Variants in KHDRBS2 observed in about 807,000 individuals in gnomAD.
KHDRBS2 encodes KH RNA binding domain containing, signal transduction associated 2.
In KHDRBS2, 26 loss-of-function variants were observed where a neutral mutation model predicts 44.3. The observed-to-expected ratio is 0.59, with a 90% confidence interval of 0.43 to 0.81. The LOEUF (loss-of-function observed/expected upper bound fraction) is 0.81. KHDRBS2 is among the 40% of genes least tolerant of loss of function. The probability of loss-of-function intolerance (pLI) is 0.00; values close to 1 mark genes in which losing one functional copy is unlikely to be tolerated. For missense variants in KHDRBS2, 476 were observed against 433.1 expected (o/e 1.10, Z -0.88); for synonymous variants, 194 against 151.1 (o/e 1.28, Z -2.08).
chr6:61,593,862 A>G, the KHDRBS2 span, among the ~76,000 whole-genome samples: 1 of 152,114 alleles, frequency 6.6e-6, no homozygotes, highest in South Asian at 2.1e-4. Context: ...AAGGAACTAT[A>G]TAGACAAAGT....
At chr6:61,662,293 C>A in the KHDRBS2 span, among the ~76,000 whole-genome samples, 59,083 of 151,596 alleles carry the variant, frequency 0.39, 11,717 homozygotes, top group East Asian at 0.48. Context: ...ACCATAAAAA[C>A]CCTAGAAGAA....
intron 4 of KHDRBS2, among the ~76,000 whole-genome samples, chr6:61,912,270 T>A (rs1355861708): frequency 6.6e-6 from 1 of 152,108 alleles, no homozygotes; most frequent in Non-Finnish European, 1.5e-5. Context: ...AAATATGATG[T>A]CAAAGTTCCC....
At chr6:61,858,449 T>C (rs1796455810) in intron 6 of KHDRBS2, among the ~76,000 whole-genome samples, 2 of 152,048 alleles carry the variant, frequency 1.3e-5, no homozygotes, top group African/African-American at 4.8e-5. Flanking sequence ...ACCATTAACA[T>C]CTCCCCCATA....
chr6:61,552,342 T>C, the KHDRBS2 span, among the ~76,000 whole-genome samples: 8 of 152,202 alleles, frequency 5.3e-5, no homozygotes, highest in Non-Finnish European at 7.3e-5. Context: ...GGAATGCTAC[T>C]GATTTTTGTA....
chr6:61,735,106 A>G (rs191472402), intron 6 of KHDRBS2, among the ~76,000 whole-genome samples: 2 of 151,724 alleles, frequency 1.3e-5, no homozygotes, highest in Non-Finnish European at 2.9e-5. Flanking sequence ...GTTTAGCTTT[A>G]CACTGCCCCC....
chr6:62,271,982 C>CT (rs1331575731), intron 1 of KHDRBS2, among the ~76,000 whole-genome samples: 1 of 152,160 alleles, frequency 6.6e-6, no homozygotes, highest in East Asian at 1.9e-4. Flanking sequence ...TTCACCTTCA[C>CT]TTACCACTAT....
chr6:61,674,925 G>A, the KHDRBS2 span, among the ~76,000 whole-genome samples: 1 of 151,670 alleles, frequency 6.6e-6, no homozygotes, highest in African/African-American at 2.4e-5. Flanking sequence ...ATGTAATAGA[G>A]TACATATTTT....
At chr6:62,177,998 A>G (rs1821484932) in intron 1 of KHDRBS2, among the ~76,000 whole-genome samples, 1 of 151,428 alleles carries the variant, frequency 6.6e-6, no homozygotes, top group South Asian at 2.1e-4. Context: ...TTAAATCTCT[A>G]CTAGGTACCA....
chr6:61,877,290 A>G (rs1469643622), intron 6 of KHDRBS2, among the ~76,000 whole-genome samples: 1 of 152,018 alleles, frequency 6.6e-6, no homozygotes, highest in Non-Finnish European at 1.5e-5. Context: ...GAGGACATAG[A>G]AATGCCTAGA....
At chr6:61,602,923 C>G in the KHDRBS2 span, among the ~76,000 whole-genome samples, 1 of 152,104 alleles carries the variant, frequency 6.6e-6, no homozygotes, top group African/African-American at 2.4e-5. Context: ...TATAGCCACA[C>G]GTCATTGCCA....
At chr6:62,111,658 G>T (rs1805015356) in intron 2 of KHDRBS2, among the ~76,000 whole-genome samples, 1 of 152,068 alleles carries the variant, frequency 6.6e-6, no homozygotes, top group Non-Finnish European at 1.5e-5. Context: ...CTCCTTGGAG[G>T]ATCACTTGAG....
chr6:62,126,159 T>G (rs113757767), intron 2 of KHDRBS2, among the ~76,000 whole-genome samples: 1,713 of 152,214 alleles, frequency 0.011, 34 homozygotes, highest in African/African-American at 0.04. Context: ...TACCACAAGC[T>G]GACTGAAGAG....
chr6:62,280,763 GAA>G (rs1390950685), intron 1 of KHDRBS2, among the ~76,000 whole-genome samples: 2 of 152,140 alleles, frequency 1.3e-5, no homozygotes, highest in African/African-American at 4.8e-5. Flanking sequence ...CTGCTATAAA[GAA>G]AGAGTCGATC....
the KHDRBS2 span, among the ~76,000 whole-genome samples, chr6:61,666,980 A>T: frequency 7.5e-6 from 1 of 133,038 alleles, no homozygotes; most frequent in Non-Finnish European, 1.6e-5. Context: ...ATTTAGACAC[A>T]AACCTTCTGG....
intron 3 of KHDRBS2, among the ~76,000 whole-genome samples, chr6:62,013,228 G>A (rs1335649348): frequency 6.6e-6 from 1 of 152,128 alleles, no homozygotes; most frequent in Non-Finnish European, 1.5e-5. Context: ...ATAGCAGTAT[G>A]GAAAGCTATA....
At chr6:61,901,438 AAAAAG>A (rs1352450830) in intron 4 of KHDRBS2, 67 bp from the exon 5 acceptor site, 1 of 1,270,576 alleles carries the variant, frequency 7.9e-7, no homozygotes, top group Non-Finnish European at 1.1e-6. Context: ...GGAAAAAAAA[AAAAAG>A]AAACAAAACA....
At chr6:61,567,763 C>G in the KHDRBS2 span, among the ~76,000 whole-genome samples, 1 of 152,036 alleles carries the variant, frequency 6.6e-6, no homozygotes, top group African/African-American at 2.4e-5. Context: ...CTCTCTCTTT[C>G]CCTTTCTCTT....
intron 3 of KHDRBS2, among the ~76,000 whole-genome samples, chr6:62,012,807 T>G (rs1461140205): frequency 2.0e-5 from 3 of 152,178 alleles, no homozygotes; most frequent in Non-Finnish European, 4.4e-5. Flanking sequence ...ACGGAAGCAT[T>G]TTAGTAACAT....
intron 2 of KHDRBS2, among the ~76,000 whole-genome samples, chr6:62,065,549 C>T (rs571174701): frequency 7.6e-5 from 11 of 145,564 alleles, no homozygotes; most frequent in South Asian, 2.2e-4. Context: ...AACCAAACAC[C>T]GCATATTCTC....
Sources: gnomAD v4.1 joint callset for allele counts (sites outside exome capture counted in the v4.1 genomes callset) on GRCh38, gnomAD v4.1.1 for gene constraint, MANE v1.5 for transcripts, NCBI Gene and HGNC (gene_info 2026-07-23, HGNC 2026-07-21) for gene names.